The following ADAMTS19 variants were observed in gnomAD, a reference collection of about 807,000 sequenced individuals.
ADAMTS19 encodes A disintegrin and metalloproteinase with thrombospondin motifs 19.
Under a neutral mutation model 153.3 loss-of-function variants are expected in ADAMTS19, and 93 were observed. The observed-to-expected ratio is 0.61, with a 90% CI of 0.51 to 0.72. The LOEUF (loss-of-function observed/expected upper bound fraction) is 0.72. Among genes scored for constraint, ADAMTS19 ranks in the 30% least tolerant of loss-of-function variants. The pLI is 0.00. For missense variants in ADAMTS19, 1,482 were observed against 1,552.1 expected (o/e 0.95, Z 0.76); for synonymous variants, 600 against 556.6 (o/e 1.08, Z -1.10).
intron 21 of ADAMTS19, among the ~76,000 whole-genome samples, chr5:129,719,354 C>T (rs554533969): frequency 5.3e-5 from 8 of 152,068 alleles, no homozygotes; most frequent in Non-Finnish European, 1.0e-4. Context: ...TTATTTATAC[C>T]GTAATCTCCC....
intron 7 of ADAMTS19, among the ~76,000 whole-genome samples, chr5:129,578,960 A>C (rs1367648537): frequency 6.6e-6 from 1 of 152,110 alleles, no homozygotes; most frequent in Admixed American, 6.5e-5. Flanking sequence ...TATACCCAGT[A>C]ATGGGATTGC....
At chr5:129,720,135 A>T (rs965331874) in intron 21 of ADAMTS19, among the ~76,000 whole-genome samples, 3 of 147,322 alleles carry the variant, frequency 2.0e-5, no homozygotes, top group Non-Finnish European at 4.5e-5. Flanking sequence ...ATTTTAGGAC[A>T]GTATGTGTGT....
chr5:129,687,214 A>G (rs1755133891), intron 18 of ADAMTS19, among the ~76,000 whole-genome samples: 2 of 152,180 alleles, frequency 1.3e-5, no homozygotes, highest in South Asian at 4.1e-4. Context: ...ACAAGCGCCC[A>G]TCTTGTGGTT....
At chr5:129,560,046 A>C (rs1214407495) in intron 7 of ADAMTS19, among the ~76,000 whole-genome samples, 2 of 152,182 alleles carry the variant, frequency 1.3e-5, no homozygotes, top group East Asian at 3.9e-4. Context: ...TTGGTATGAA[A>C]ATGTCTTAAT....
intron 6 of ADAMTS19, among the ~76,000 whole-genome samples, chr5:129,548,160 C>G (rs202225549): frequency 4.7e-5 from 7 of 150,192 alleles, no homozygotes; most frequent in Admixed American, 3.3e-4. Context: ...GCAACAAAAG[C>G]CAAAATTGAC....
At chr5:129,503,731 G>C (rs934990321) in intron 2 of ADAMTS19, among the ~76,000 whole-genome samples, 1 of 151,998 alleles carries the variant, frequency 6.6e-6, no homozygotes, top group Non-Finnish European at 1.5e-5. Context: ...GGGAGGCTGA[G>C]GCAGGAGAAT....
intron 6 of ADAMTS19, among the ~76,000 whole-genome samples, chr5:129,531,212 C>A (rs747847747): frequency 1.3e-5 from 2 of 152,064 alleles, no homozygotes; most frequent in Non-Finnish European, 2.9e-5. Flanking sequence ...TTTATAGATT[C>A]AATATACTCC....
chr5:129,509,258 T>C lies in ADAMTS19; in HGVS notation c.913+16T>C, dbSNP rs138251768. On this transcript the variant is annotated intron_variant, in intron 3 of 22. Coordinates refer to ENST00000274487, the MANE Select transcript of ADAMTS19 (RefSeq NM_133638.6). ...ATCATTTCAGGTAAATGCCTTCTCC[T>C]GAAAGAGTTTTAAGTAAATATTCAA... 17,165 of 1,603,116 alleles carry C rather than the reference T, an allele frequency of 0.011. 131 individuals are homozygous for C. Among genetic ancestry groups the C allele is most frequent in the South Asian group, 0.02 (1,821 of 89,200 alleles).
Position 129,735,061 on chromosome 5 carries a change from C to T in ADAMTS19, c.3442C>T (p.Pro1148Ser). Residue 1148 changes from proline (P) to serine (S), a missense_variant, in exon 22 of 23, where the codon CCC (proline) becomes TCC (serine). Coordinates refer to ENST00000274487, the MANE Select transcript of ADAMTS19 (RefSeq NM_133638.6). Reference protein sequence around the residue: ...PAAYRPCHLQPCNEKINVNTI... With the variant: ...PAAYRPCHLQSCNEKINVNTI... The stretch of plus-strand genomic sequence containing the variant: ...AGCATACAGGCCATGCCATCTTCAA[C>T]CCTGCAATGAGAAAATTAATGTAAA... 1 of 1,606,514 alleles carries T rather than the reference C, an allele frequency of 6.2e-7. No homozygotes were observed. Among genetic ancestry groups the T allele is most frequent in the Non-Finnish European group, 8.5e-7 (1 of 1,177,226 alleles).
chr5:129,717,191 T>C (rs1756769981), intron 21 of ADAMTS19, among the ~76,000 whole-genome samples: 1 of 152,228 alleles, frequency 6.6e-6, no homozygotes, highest in African/African-American at 2.4e-5. Flanking sequence ...AAGAAAATCT[T>C]AACTCCTTTA....
chr5:129,528,676 A>T lies in ADAMTS19; in HGVS notation c.1327A>T (p.Arg443Trp). 6.3e-7 allele frequency: 1 copy of T among 1,581,526 alleles called. No homozygotes were observed. Among genetic ancestry groups the T allele is most frequent in the Non-Finnish European group, 8.6e-7 (1 of 1,166,642 alleles). Reference sequence around the variant, plus strand: ...AGTGGATGCAGCTATACTTATAACAAGGTAAATTTTCCAATGCCAATTAAA... The same window carrying T: ...AGTGGATGCAGCTATACTTATAACATGGTAAATTTTCCAATGCCAATTAAA... ...TSVDAAILIT[R>W]KDFCVHKDEP... The change falls in exon 6 of 23, where the codon AGG becomes TGG. Residue 443 changes from arginine to tryptophan, a missense_variant and splice_region_variant. Physicochemically the swap from Arg to Trp is moderately radical, Grantham distance 101. Transcript: ENST00000274487.
intron 11 of ADAMTS19, among the ~76,000 whole-genome samples, chr5:129,646,973 G>A (rs1298970146): frequency 6.6e-6 from 1 of 151,924 alleles, no homozygotes; most frequent in Admixed American, 6.6e-5. Flanking sequence ...CCATTCCTGG[G>A]TGACCATCAG....
At chr5:129,696,079 C>T (rs1417068496) in intron 19 of ADAMTS19, among the ~76,000 whole-genome samples, 2 of 152,130 alleles carry the variant, frequency 1.3e-5, no homozygotes, top group South Asian at 4.1e-4. Flanking sequence ...GAATTAGTGT[C>T]ATGCAGACGA....
intron 19 of ADAMTS19, among the ~76,000 whole-genome samples, chr5:129,700,637 A>G (rs1250618333): frequency 6.6e-6 from 1 of 152,136 alleles, no homozygotes; most frequent in African/African-American, 2.4e-5. Flanking sequence ...TCTGGCCACG[A>G]TATTTGTGAT....
Position 129,565,563 on chromosome 5 carries a change from G to C in ADAMTS19, c.1372+13656G>C, listed in dbSNP as rs74417744. Among the ~76,000 whole-genome samples the C allele has an allele frequency of 6.5e-3, 985 of 152,112 alleles. 13 individuals are homozygous for C. The highest frequency in any genetic ancestry group is 0.023 in the African/African-American group (946 of 41,502). On this transcript the variant is annotated intron_variant, in intron 7 of 22. Transcript: ENST00000274487. The stretch of plus-strand genomic sequence containing the variant: ...CTATTCTGTGCCCAAGTTTGTGTTA[G>C]GTGCTAGATGCTAGAAATAGAGTGG...
intron 10 of ADAMTS19, among the ~76,000 whole-genome samples, chr5:129,636,528 T>C (rs1273731774): frequency 6.6e-6 from 1 of 152,230 alleles, no homozygotes; most frequent in Non-Finnish European, 1.5e-5. Context: ...AAAGAGTCCC[T>C]TGCAGCTTGC....
chr5:129,703,840 C>A (rs1756022173), intron 20 of ADAMTS19, among the ~76,000 whole-genome samples: 1 of 152,142 alleles, frequency 6.6e-6, no homozygotes, highest in South Asian at 2.1e-4. Context: ...TTTTCACAAA[C>A]ATGTCTTCCA....
intron 8 of ADAMTS19, among the ~76,000 whole-genome samples, chr5:129,597,778 T>G (rs1750450808): frequency 6.6e-6 from 1 of 151,776 alleles, no homozygotes; most frequent in Non-Finnish European, 1.5e-5. Flanking sequence ...GGTACGCGCC[T>G]GTAGTCCCAG....
chr5:129,539,460 T>C (rs1213697306), intron 6 of ADAMTS19, among the ~76,000 whole-genome samples: 4 of 152,068 alleles, frequency 2.6e-5, no homozygotes, highest in Non-Finnish European at 5.9e-5. Context: ...CACTTTTATT[T>C]TGTCCCATTA....
Sources: allele counts gnomAD v4.1 joint callset (sites outside exome capture counted in the v4.1 genomes callset), GRCh38; gene constraint gnomAD v4.1.1; transcripts MANE v1.5; gene names NCBI Gene and HGNC (gene_info 2026-07-23, HGNC 2026-07-21).